The following ISM1 variants were observed in gnomAD, a reference collection of about 807,000 sequenced individuals.
The protein encoded by ISM1 is isthmin 1.
ISM1 carries 25 observed loss-of-function variants against 46.3 expected under a neutral mutation model. The ratio of observed to expected loss-of-function variants is 0.54; its 90% CI spans 0.39 to 0.75. The LOEUF is 0.75. Among genes scored for constraint, ISM1 ranks in the 30% least tolerant of loss-of-function variants. The probability of loss-of-function intolerance (pLI) is 0.00; values close to 1 mark genes in which losing one functional copy is unlikely to be tolerated. For missense variants in ISM1, 536 were observed against 625.4 expected, an observed-to-expected ratio of 0.86 and a Z score of 1.52; for synonymous variants, 255 against 256.7, an observed-to-expected ratio of 0.99 and a Z score of 0.06.
chr20:13,324,441 G>C, the ISM1 span, among the ~76,000 whole-genome samples: 1 of 152,110 alleles, frequency 6.6e-6, no homozygotes, highest in African/African-American at 2.4e-5. Flanking sequence ...GCAGAAAAGA[G>C]GATCTTGTCC....
At chr20:13,226,326 T>C (rs181897449) in intron 1 of ISM1, among the ~76,000 whole-genome samples, 1 of 152,330 alleles carries the variant, frequency 6.6e-6, no homozygotes, top group East Asian at 1.9e-4. Context: ...TTATCTGTAC[T>C]TAATACAAGA....
chr20:13,299,057 C>T lies in ISM1; in HGVS notation c.993C>T (p.Ala331=), dbSNP rs1401954253. Residue 331 remains alanine, a synonymous_variant, in exon 6 of 6, where the codon GCC becomes GCT. Transcript: ENST00000262487. This position sits in a 1 kb window ranked among gnomAD's most constrained non-coding sequence, Gnocchi z 5.8. ...SCPCSYPTEV[A]YSTADIFDRI... ...CCTGCTCCTACCCCACTGAGGTGGC[C>T]TACAGCACGGCCGACATCTTCGACC... 1.9e-6 allele frequency: 3 copies of T among 1,613,734 alleles called. No individual in the cohort carries two copies. Among genetic ancestry groups the T allele is most frequent in the Non-Finnish European group, 2.5e-6 (3 of 1,179,862 alleles).
rs1234753022 is a variant in ISM1, at chr20:13,298,898, C to T, written c.878-44C>T. The T allele has an allele frequency of 8.2e-6, 13 of 1,590,354 alleles. No individual in the cohort carries two copies. In the East Asian group the frequency reaches 1.1e-4, roughly 14 times the overall value. ...GCTCCTTGAAGCACCTCCTGTGGGC[C>T]GGTTGTACACGCGGTGAGAGGGTTT... On this transcript the variant is annotated intron_variant, in intron 5 of 5. Coordinates refer to ENST00000262487, the MANE Select transcript of ISM1 (RefSeq NM_080826.2).
chr20:13,251,256 C>T lies in ISM1; in HGVS notation c.139-19248C>T, dbSNP rs558297282. On this transcript the variant is annotated intron_variant, in intron 1 of 5. Transcript: ENST00000262487. ...CGCTCCCTGCTTCCATTCCATCTCA[C>T]CCCCCTTCCACAGGCATTGAATTCT... is the stretch of plus-strand genomic sequence containing the variant. Among the ~76,000 whole-genome samples the T allele has an allele frequency of 9.2e-5, 14 of 152,296 alleles. No homozygotes were observed. In the South Asian group the frequency reaches 1.4e-3, roughly 16 times the overall value.
intron 4 of ISM1, among the ~76,000 whole-genome samples, chr20:13,289,689 G>C (rs78099384): frequency 0.15 from 23,445 of 151,968 alleles, 2,177 homozygotes; most frequent in South Asian, 0.27. Flanking sequence ...GGAGGAGGAA[G>C]AGGAGGAGGA....
chr20:13,313,842 A>C, the ISM1 span, among the ~76,000 whole-genome samples: 2 of 152,214 alleles, frequency 1.3e-5, no homozygotes, highest in Non-Finnish European at 1.5e-5. Context: ...AGGAATTTAA[A>C]ACAACAAGGA....
chr20:13,257,135 GCTC>G (rs1463566863), intron 1 of ISM1, among the ~76,000 whole-genome samples: 1 of 152,194 alleles, frequency 6.6e-6, no homozygotes, highest in African/African-American at 2.4e-5. Flanking sequence ...TCAACATGAA[GCTC>G]CTCTTTTTTC....
At chr20:13,321,544 TCTGTCTGCCTAGGCCTGGTGC>T in the ISM1 span, among the ~76,000 whole-genome samples, 4 of 152,190 alleles carry the variant, frequency 2.6e-5, no homozygotes, top group Admixed American at 2.6e-4. Context: ...TAATCCTTCC[TCTGTCTGCCTAGGCCTGGTGC>T]CTTGAAGCCT....
chr20:13,304,253 GAT>G (rs1248683239), downstream of ISM1, among the ~76,000 whole-genome samples: 1 of 152,188 alleles, frequency 6.6e-6, no homozygotes, highest in African/African-American at 2.4e-5. Flanking sequence ...AGGAAGCAGA[GAT>G]GGCTGCATGA....
At chr20:13,261,809 C>T (rs1372578890) in intron 1 of ISM1, among the ~76,000 whole-genome samples, 1 of 152,152 alleles carries the variant, frequency 6.6e-6, no homozygotes, top group Non-Finnish European at 1.5e-5. Flanking sequence ...TGGCAAGGGT[C>T]CCTAGGCCAC....
the ISM1 span, among the ~76,000 whole-genome samples, chr20:13,325,425 C>T: frequency 4.6e-5 from 7 of 152,134 alleles, no homozygotes; most frequent in African/African-American, 1.7e-4. Flanking sequence ...AAATATGTCA[C>T]TTTGATTTCC....
chr20:13,275,023 G>GCAGC (rs765472118), intron 2 of ISM1, among the ~76,000 whole-genome samples: 40 of 152,190 alleles, frequency 2.6e-4, no homozygotes, highest in Non-Finnish European at 5.4e-4. Context: ...TTTTCAGTCT[G>GCAGC]CAGCTGATAG....
In ISM1 at chr20:13,298,932, C is replaced by A. The variant is rs371226530; in HGVS notation, c.878-10C>A. On this transcript the variant is annotated splice_polypyrimidine_tract_variant and intron_variant, in intron 5 of 5. Coordinates refer to ENST00000262487, the MANE Select transcript of ISM1 (RefSeq NM_080826.2). ...ACGCGGTGAGAGGGTTTCTCTTTGG[C>A]CTTTTCCAGACACAGACAGCTGTGA... 644 of 1,611,582 alleles carry A rather than the reference C, an allele frequency of 4.0e-4. 17 individuals are homozygous for A. In the South Asian group the frequency reaches 5.3e-3, roughly 13 times the overall value.
At chr20:13,292,538 C>G (rs1288518934) in intron 5 of ISM1, 75 bp downstream of exon 5, 1 of 886,034 alleles carries the variant, frequency 1.1e-6, no homozygotes. Flanking sequence ...GCAATGCCAT[C>G]CTTGGATCCA....
intron 3 of ISM1, among the ~76,000 whole-genome samples, chr20:13,287,250 A>G (rs528553911): frequency 1.3e-5 from 2 of 151,790 alleles, no homozygotes; most frequent in African/African-American, 2.4e-5. Flanking sequence ...AGGCAAAGGA[A>G]GAGCAAAGGG....
chr20:13,268,018 A>T (rs2040062310), intron 1 of ISM1, among the ~76,000 whole-genome samples: 1 of 152,222 alleles, frequency 6.6e-6, no homozygotes, highest in African/African-American at 2.4e-5. Context: ...TTAAGGGAAA[A>T]AAGCAAGGGA....
At chr20:13,221,963 T>TG in intron 1 of ISM1, 49 bp downstream of exon 1, 1 of 1,300,722 alleles carries the variant, frequency 7.7e-7, no homozygotes, top group Non-Finnish European at 9.7e-7. Context: ...GGACGGTTTG[T>TG]GGGGCGGGGG....
chr20:13,268,326 TTTCTCC>T lies in ISM1; in HGVS notation c.139-2167_139-2162del, dbSNP rs1198037027. The stretch of plus-strand genomic sequence containing the variant: ...CTCTTCTCTTTTCTCTTCTCTTCTC[TTTCTCC>T]TTCTCCTTCTTCTTCCTCTCTCTCT... On this transcript the variant is annotated intron_variant, in intron 1 of 5. Coordinates refer to ENST00000262487, the MANE Select transcript of ISM1 (RefSeq NM_080826.2). Among the ~76,000 whole-genome samples, 55 of 150,534 alleles carry T rather than the reference TTTCTCC, an allele frequency of 3.7e-4. No homozygotes were observed. In the South Asian group the frequency reaches 4.9e-3, roughly 13 times the overall value.
At chr20:13,290,641 G>C (rs2123314415) in intron 4 of ISM1, among the ~76,000 whole-genome samples, 2 of 152,198 alleles carry the variant, frequency 1.3e-5, no homozygotes, top group Middle Eastern at 3.4e-3. Context: ...CCGGGCGACA[G>C]AGCAAGACTC....
Sources: gnomAD v4.1 joint callset for allele counts (sites outside exome capture counted in the v4.1 genomes callset) on GRCh38, gnomAD v4.1.1 for gene constraint, Gnocchi (gnomAD v3.1) non-coding constraint, MANE v1.5 for transcripts, NCBI Gene and HGNC (gene_info 2026-07-23, HGNC 2026-07-21) for gene names.